Variants in PIK3R1 observed in about 807,000 individuals in gnomAD.
PIK3R1 encodes phosphoinositide-3-kinase regulatory subunit 1.
Under a neutral mutation model 98.0 loss-of-function variants are expected in PIK3R1, and 29 were observed. That is an observed-to-expected ratio of 0.30 (90% confidence interval 0.22 to 0.40). The LOEUF (loss-of-function observed/expected upper bound fraction) is 0.40. Among genes scored for constraint, PIK3R1 ranks in the 10% least tolerant of loss-of-function variants. The pLI is 1.00. For synonymous variants in PIK3R1, 282 were observed against 311.8 expected (o/e 0.90, Z 1.01); for missense variants, 596 against 872.7 (o/e 0.68, Z 3.99).
chr5:68,292,537 G>A (rs1303701638), intron 8 of PIK3R1, 176 bp downstream of exon 8: 4 of 1,518,970 alleles, frequency 2.6e-6, no homozygotes, highest in Admixed American at 4.0e-5. Context: ...GGTGCTGGAT[G>A]CCACAGGAAA....
intron 2 of PIK3R1, among the ~76,000 whole-genome samples, chr5:68,258,170 G>A (rs895453239): frequency 6.6e-6 from 1 of 152,162 alleles, no homozygotes; most frequent in East Asian, 1.9e-4. Context: ...ACAGCACGAG[G>A]TGCTAAATTG....
At chr5:68,296,091 G>A in intron 14 of PIK3R1, 80 bp from the exon 15 acceptor site, 3 of 1,377,328 alleles carry the variant, frequency 2.2e-6, no homozygotes, top group Non-Finnish European at 3.0e-6. Flanking sequence ...AAGTGACGGG[G>A]GTATGCCTAG....
chr5:68,281,022 C>G lies in PIK3R1; in HGVS notation c.916+16C>G, dbSNP rs1309436395. 1 of 1,536,556 alleles carries G rather than the reference C, an allele frequency of 6.5e-7. No homozygotes were observed. The highest frequency in any genetic ancestry group is 1.9e-5 in the Admixed American group (1 of 51,900). The stretch of plus-strand genomic sequence containing the variant: ...CCTGCACCAGGTAATGCTTTTTGAG[C>G]ATTTAACATTCTCTCATTGTTCATT... On this transcript the variant is annotated intron_variant, in intron 7 of 15. Transcript: ENST00000521381.
chr5:68,216,124 C>G (rs1402945769), intron 1 of PIK3R1, among the ~76,000 whole-genome samples, 175 bp downstream of exon 1: 1 of 151,882 alleles, frequency 6.6e-6, no homozygotes, highest in Non-Finnish European at 1.5e-5. Flanking sequence ...ATCTCCTGGC[C>G]GCCGGGCAGC....
At chr5:68,224,896 AAC>A (rs1744219172) in intron 1 of PIK3R1, among the ~76,000 whole-genome samples, 1 of 152,252 alleles carries the variant, frequency 6.6e-6, no homozygotes, top group South Asian at 2.1e-4. Context: ...AAAAAAGAAA[AAC>A]ACTTACATTT....
At chr5:68,247,855 G>C (rs552375391) in intron 2 of PIK3R1, among the ~76,000 whole-genome samples, 1 of 152,284 alleles carries the variant, frequency 6.6e-6, no homozygotes, top group South Asian at 2.1e-4. Flanking sequence ...TGTTTTTCCA[G>C]ATCATGGGCA....
intron 2 of PIK3R1, among the ~76,000 whole-genome samples, chr5:68,245,046 A>G (rs1370550361): frequency 6.6e-6 from 1 of 152,188 alleles, no homozygotes; most frequent in African/African-American, 2.4e-5. Context: ...CTTTGGGTTG[A>G]TTCTCTGAGA....
chr5:68,226,168 A>G, intron 1 of PIK3R1, 122 bp from the exon 2 acceptor site: 1 of 343,220 alleles, frequency 2.9e-6, no homozygotes, highest in Non-Finnish European at 5.3e-6. Context: ...AAGCAATAGC[A>G]CACTGGCCTG....
At chr5:68,255,582 T>G (rs1276510396) in intron 2 of PIK3R1, among the ~76,000 whole-genome samples, 1 of 152,214 alleles carries the variant, frequency 6.6e-6, no homozygotes, top group African/African-American at 2.4e-5. Context: ...AGGAAAACAC[T>G]TAAGTTTGCT....
chr5:68,243,050 T>TA (rs1002753336), intron 2 of PIK3R1, among the ~76,000 whole-genome samples: 101 of 143,384 alleles, frequency 7.0e-4, no homozygotes, highest in Middle Eastern at 3.6e-3. Flanking sequence ...AGCAAGGCCT[T>TA]AAAAAAAAAA....
chr5:68,281,301 T>C, intron 7 of PIK3R1, among the ~76,000 whole-genome samples: 1 of 152,260 alleles, frequency 6.6e-6, no homozygotes, highest in East Asian at 1.9e-4. Context: ...TTTATGGAGT[T>C]CATTTTAGTT....
At chr5:68,273,836 A>G in intron 3 of PIK3R1, 103 bp from the exon 4 acceptor site, 1 of 873,930 alleles carries the variant, frequency 1.1e-6, no homozygotes, top group East Asian at 2.4e-5. Flanking sequence ...CACATCTAGA[A>G]CAGATACTGG....
chr5:68,235,679 TGC>T (rs148172739), intron 2 of PIK3R1, among the ~76,000 whole-genome samples: 2,864 of 152,254 alleles, frequency 0.019, 103 homozygotes, highest in African/African-American at 0.066. Flanking sequence ...ATGATTTTAT[TGC>T]TAAATAATAA....
intron 2 of PIK3R1, among the ~76,000 whole-genome samples, chr5:68,263,528 A>G (rs1391795442): frequency 3.3e-5 from 5 of 152,086 alleles, no homozygotes; most frequent in African/African-American, 4.8e-5. Context: ...ATCATAGTCT[A>G]TTGTGAGATA....
intron 7 of PIK3R1, 35 bp downstream of exon 7, chr5:68,281,041 G>T (rs747641745): frequency 6.2e-6 from 9 of 1,441,340 alleles, no homozygotes; most frequent in Non-Finnish European, 8.6e-6. Flanking sequence ...TTCTCTCATT[G>T]TTCATTTTTT....
chr5:68,290,787 T>A, intron 7 of PIK3R1: 3 of 1,613,532 alleles, frequency 1.9e-6, no homozygotes, highest in Non-Finnish European at 2.5e-6. Context: ...AAGACAGATA[T>A]AAATTGTGGC....
In PIK3R1 at chr5:68,297,910, G is replaced by A. The variant is rs1747822964; in HGVS notation, c.*309G>A. The A allele has an allele frequency of 3.9e-6, 1 of 255,824 alleles. No homozygotes were observed. Among genetic ancestry groups the A allele is most frequent in the Non-Finnish European group, 7.5e-6 (1 of 133,246 alleles). 15.8% of individuals were successfully genotyped at this position (255,824 alleles called of 1,614,324 possible). ...AGAAATGCAAAAATCTCTGCGTGCAGGGACAAAGAGGCCTTTAACCATGGT... is the reference window on the plus strand; with the variant it reads ...AGAAATGCAAAAATCTCTGCGTGCAAGGACAAAGAGGCCTTTAACCATGGT... On this transcript the variant is annotated 3_prime_UTR_variant, in exon 16 of 16. Coordinates refer to ENST00000521381, the MANE Select transcript of PIK3R1 (RefSeq NM_181523.3).
At position 68,292,381 on chromosome 5, in the gene PIK3R1, A is replaced by T; in HGVS notation, c.1019+20A>T. ...CTCGAGGTAAGGCTACAGAAACTTC[A>T]TTTTCAGAGAGTTTTAGATTAAAAG... On this transcript the variant is annotated intron_variant, in intron 8 of 15. Coordinates refer to ENST00000521381, the MANE Select transcript of PIK3R1 (RefSeq NM_181523.3). 2 of 1,564,090 alleles carry T rather than the reference A, an allele frequency of 1.3e-6. No homozygotes were observed. Among genetic ancestry groups the T allele is most frequent in the South Asian group, 1.1e-5 (1 of 89,982 alleles).
chr5:68,280,786 T>G, intron 6 of PIK3R1, 57 bp downstream of exon 6: 2 of 1,471,086 alleles, frequency 1.4e-6, no homozygotes, highest in East Asian at 2.3e-5. Flanking sequence ...CCTAAATGGA[T>G]TGGTCATGAA....
Sources: gnomAD v4.1 joint callset for allele counts (sites outside exome capture counted in the v4.1 genomes callset) on GRCh38, gnomAD v4.1.1 for gene constraint, MANE v1.5 for transcripts, NCBI Gene and HGNC (gene_info 2026-07-23, HGNC 2026-07-21) for gene names.